BRINP1: variants seen among roughly 807,000 people sequenced by gnomAD.
The protein encoded by BRINP1 is BMP/retinoic acid inducible neural specific 1.
In BRINP1, 17 loss-of-function variants were observed where a neutral mutation model predicts 72.9. The observed-to-expected ratio is 0.23, with a 90% CI of 0.16 to 0.35. The LOEUF is 0.35. Among genes scored for constraint, BRINP1 ranks in the 10% least tolerant of loss-of-function variants. BRINP1 has a pLI of 1.00. For synonymous variants in BRINP1, 418 were observed against 378.5 expected (o/e 1.10, Z -1.21); for missense variants, 850 against 1,001.6 (o/e 0.85, Z 2.04).
chr9:119,356,822 A>C (rs967850207), intron 1 of BRINP1, among the ~76,000 whole-genome samples: 2 of 151,978 alleles, frequency 1.3e-5, no homozygotes, highest in Non-Finnish European at 2.9e-5. Context: ...AAAAAAACAA[A>C]AGTTTGTTTA....
chr9:119,211,874 G>A (rs1291915941), intron 6 of BRINP1, among the ~76,000 whole-genome samples: 1 of 152,182 alleles, frequency 6.6e-6, no homozygotes, highest in African/African-American at 2.4e-5. Context: ...TTATTCAGCA[G>A]CATCTCAGTT....
chr9:119,249,128 T>C lies in BRINP1; in HGVS notation c.241A>G (p.Arg81Gly). 1 of 1,613,684 alleles carries C rather than the reference T, an allele frequency of 6.2e-7. No individual in the cohort carries two copies. Residue 81 changes from arginine to glycine, a missense_variant, in exon 3 of 8, where the codon AGG becomes GGG. Physicochemically the swap from Arg to Gly is moderately radical, Grantham distance 125 (BLOSUM62 -2). Transcript: ENST00000265922. ...IYREFARWKV[R>G]NTAIERRDLV... ...TCTCTCCTCTCGATGGCTGTGTTCCTCACCTTCCAACGGGCAAACTCCCTG... is the reference window on the plus strand; with the variant it reads ...TCTCTCCTCTCGATGGCTGTGTTCCCCACCTTCCAACGGGCAAACTCCCTG...
rs911394272 is a variant in BRINP1 at position 119,318,852 on chromosome 9, T to G, written c.-50-5447A>C. On this transcript the variant is annotated intron_variant, in intron 1 of 7. Coordinates refer to ENST00000265922, the MANE Select transcript of BRINP1 (RefSeq NM_014618.3). The stretch of plus-strand genomic sequence containing the variant: ...GGAAGAGAAATGTGTGGGGTGTGTG[T>G]GTGTGTGTGTGTGTGTGTGTGTGTG... 1.5e-3 allele frequency among the ~76,000 whole-genome samples: 214 copies of G among 143,754 alleles called. 2 individuals carry two copies. The highest frequency in any genetic ancestry group is 5.1e-3 in the African/African-American group (203 of 40,050). The allele number at this position is 143,754 out of a possible 152,430, so 94.3% of individuals were successfully genotyped here. A position where few individuals can be genotyped will look rare whatever the true frequency, so the allele number is the denominator to read the frequency against.
At chr9:119,283,278 T>A (rs1022301619) in intron 2 of BRINP1, 2 of 731,234 alleles carry the variant, frequency 2.7e-6, no homozygotes, top group African/African-American at 3.8e-5. Flanking sequence ...TTGTTAGAAA[T>A]GCAAAATCTC....
At chr9:119,339,297 TG>T in intron 1 of BRINP1, among the ~76,000 whole-genome samples, 1 of 152,248 alleles carries the variant, frequency 6.6e-6, no homozygotes, top group Non-Finnish European at 1.5e-5. Flanking sequence ...GGGCCAGATT[TG>T]GCCCACAGAT....
intron 1 of BRINP1, among the ~76,000 whole-genome samples, chr9:119,357,956 C>T (rs1386629607): frequency 6.6e-6 from 1 of 152,202 alleles, no homozygotes; most frequent in Admixed American, 6.5e-5. Flanking sequence ...AACATACATA[C>T]ATACAGAACA....
At chr9:119,347,731 T>G (rs191074848) in intron 1 of BRINP1, among the ~76,000 whole-genome samples, 6 of 152,146 alleles carry the variant, frequency 3.9e-5, no homozygotes, top group Admixed American at 3.9e-4. Context: ...ATGGCCACTT[T>G]CTCCCAAGCT....
intron 5 of BRINP1, among the ~76,000 whole-genome samples, chr9:119,219,400 C>T (rs1054936989): frequency 2.2e-4 from 33 of 152,188 alleles, no homozygotes; most frequent in Middle Eastern, 3.4e-3. Context: ...TATTGGTCTT[C>T]GTTTTTAATC....
intron 5 of BRINP1, among the ~76,000 whole-genome samples, chr9:119,215,859 T>C (rs1290096501): frequency 6.6e-6 from 1 of 151,530 alleles, no homozygotes; most frequent in Non-Finnish European, 1.5e-5. Flanking sequence ...ATGGCTGCAC[T>C]GCACGGTGTG....
At chr9:119,177,810 G>C (rs1389841699) in intron 7 of BRINP1, among the ~76,000 whole-genome samples, 1 of 152,168 alleles carries the variant, frequency 6.6e-6, no homozygotes, top group East Asian at 1.9e-4. Context: ...GGGACAGAGG[G>C]CCTCTGAGAT....
Position 119,167,808 on chromosome 9 carries a change from C to T in BRINP1, c.1562G>A (p.Arg521His), listed in dbSNP as rs771447719. 14 of 1,613,574 alleles carry T rather than the reference C, an allele frequency of 8.7e-6. No individual in the cohort carries two copies. Among genetic ancestry groups the T allele is most frequent in the African/African-American group, 2.7e-5 (2 of 74,784 alleles). ...RLDTFFDPRW[R>H]KRMSLTLKSN... ...CTTGAGAGTGAGGGACATGCGCTTG[C>T]GCCACCGAGGGTCAAAGAAGGTGTC... is the stretch of plus-strand genomic sequence containing the variant. The change falls in exon 8 of 8, where the codon CGC (arginine) becomes CAC (histidine). Residue 521 changes from arginine to histidine, a missense_variant. Transcript: ENST00000265922. This position sits in a 1 kb window ranked among gnomAD's most constrained non-coding sequence, Gnocchi z 4.3.
chr9:119,288,590 C>T (rs571909215), intron 2 of BRINP1, among the ~76,000 whole-genome samples: 1 of 152,118 alleles, frequency 6.6e-6, no homozygotes, highest in African/African-American at 2.4e-5. Context: ...ATGGGCTTTG[C>T]TAAATCTTAA....
chr9:119,326,501 C>A (rs948117555), intron 1 of BRINP1, among the ~76,000 whole-genome samples: 4 of 152,070 alleles, frequency 2.6e-5, no homozygotes, highest in African/African-American at 9.7e-5. Context: ...ATTTTATTAA[C>A]AATATAAACC....
intron 7 of BRINP1, among the ~76,000 whole-genome samples, 196 bp downstream of exon 7, chr9:119,208,523 A>G (rs1829883501): frequency 6.6e-6 from 1 of 152,046 alleles, no homozygotes; most frequent in African/African-American, 2.4e-5. Context: ...TCAGGAAACA[A>G]TGTGGAATCT....
chr9:119,249,295 A>G, intron 2 of BRINP1, 145 bp from the exon 3 acceptor site: 1 of 701,784 alleles, frequency 1.4e-6, no homozygotes, highest in Non-Finnish European at 2.3e-6. Flanking sequence ...TTTGATCTGG[A>G]GCTTCCAATC....
chr9:119,270,687 C>T (rs974727555), intron 2 of BRINP1, among the ~76,000 whole-genome samples: 5 of 152,118 alleles, frequency 3.3e-5, no homozygotes, highest in African/African-American at 1.2e-4. Flanking sequence ...GTCAGAAGTA[C>T]AGGTTTATAC....
At chr9:119,305,777 C>T (rs1162050663) in intron 2 of BRINP1, among the ~76,000 whole-genome samples, 4 of 152,184 alleles carry the variant, frequency 2.6e-5, no homozygotes, top group African/African-American at 7.2e-5. Flanking sequence ...ATTTGCCTTT[C>T]AGTCAGTCTC....
At chr9:119,351,096 A>G (rs1018690907) in intron 1 of BRINP1, among the ~76,000 whole-genome samples, 3 of 152,106 alleles carry the variant, frequency 2.0e-5, no homozygotes, top group East Asian at 1.9e-4. Flanking sequence ...AGGCCCAGGT[A>G]TGTGATGTTC....
chr9:119,300,949 C>T (rs1295877794), intron 2 of BRINP1, among the ~76,000 whole-genome samples: 1 of 152,216 alleles, frequency 6.6e-6, no homozygotes, highest in Non-Finnish European at 1.5e-5. Context: ...TCCTCAATTT[C>T]TCAATGCTTT....
Sources: gnomAD v4.1 joint callset for allele counts (sites outside exome capture counted in the v4.1 genomes callset) on GRCh38, gnomAD v4.1.1 for gene constraint, Gnocchi (gnomAD v3.1) non-coding constraint, MANE v1.5 for transcripts, NCBI Gene and HGNC (gene_info 2026-07-23, HGNC 2026-07-21) for gene names.